The following BMP2K variants were observed in gnomAD, a reference collection of about 807,000 sequenced individuals.
BMP2K encodes BMP-2-inducible protein kinase.
Under a neutral mutation model 116.0 loss-of-function variants are expected in BMP2K, and 74 were observed. The ratio of observed to expected loss-of-function variants is 0.64; its 90% CI spans 0.53 to 0.77. BMP2K has a LOEUF of 0.77. Among genes scored for constraint, BMP2K ranks in the 30% least tolerant of loss-of-function variants. The probability of loss-of-function intolerance (pLI) is 0.00; values close to 1 mark genes in which losing one functional copy is unlikely to be tolerated. For missense variants in BMP2K, 1,365 were observed against 1,403.6 expected, an observed-to-expected ratio of 0.97 and a Z score of 0.44; for synonymous variants, 486 against 502.5, an observed-to-expected ratio of 0.97 and a Z score of 0.44.
chr4:78,863,147 T>G (rs1277685167), intron 9 of BMP2K, among the ~76,000 whole-genome samples: 1 of 152,202 alleles, frequency 6.6e-6, no homozygotes, highest in East Asian at 1.9e-4. Flanking sequence ...AGTGCTTATT[T>G]ATAGTATGTT....
At chr4:78,895,717 T>C (rs1381989686) in intron 15 of BMP2K, among the ~76,000 whole-genome samples, 1 of 152,168 alleles carries the variant, frequency 6.6e-6, no homozygotes, top group Non-Finnish European at 1.5e-5. Flanking sequence ...AAAAGGACTA[T>C]AATATCATTG....
chr4:78,896,105 C>A (rs1733686158), intron 15 of BMP2K, among the ~76,000 whole-genome samples: 1 of 152,124 alleles, frequency 6.6e-6, no homozygotes, highest in South Asian at 2.1e-4. Flanking sequence ...TTTTAATTTT[C>A]TTTCCTTACC....
intron 9 of BMP2K, among the ~76,000 whole-genome samples, chr4:78,864,908 ATTATAT>A (rs1731969281): frequency 6.6e-6 from 1 of 152,112 alleles, no homozygotes; most frequent in South Asian, 2.1e-4. Context: ...GTCTTCTCAA[ATTATAT>A]TTATTGTTTC....
At chr4:78,900,984 CCT>C (rs1483780314) in intron 15 of BMP2K, among the ~76,000 whole-genome samples, 1 of 151,892 alleles carries the variant, frequency 6.6e-6, no homozygotes, top group Non-Finnish European at 1.5e-5. Context: ...ATTATAAAAC[CCT>C]GAGTTAAAAA....
intron 1 of BMP2K, among the ~76,000 whole-genome samples, chr4:78,818,429 T>G (rs557776617): frequency 2.6e-4 from 40 of 152,334 alleles, no homozygotes; most frequent in South Asian, 4.1e-4. Flanking sequence ...GCATCTGTTG[T>G]TTCCTGACTT....
In BMP2K at chr4:78,910,877, C is replaced by T. The variant is rs374485594; in HGVS notation, c.2330C>T (p.Thr777Ile). 24 of 1,613,806 alleles carry T rather than the reference C, an allele frequency of 1.5e-5. No homozygotes were observed. The highest frequency in any genetic ancestry group is 1.9e-5 in the Non-Finnish European group (23 of 1,179,878). ...GEQGDFNDDD[T>I]EPENLGHRPL... ...CAAGGAGATTTTAATGATGATGATA[C>T]TGAACCAGAAAATCTGGGTCATAGG... The change falls in exon 16 of 16, where the codon ACT becomes ATT. Residue 777 changes from threonine (T) to isoleucine (I), a missense_variant. Thr to Ile is a moderately conservative substitution (Grantham distance 89). Around this residue, in one of 3 missense-constraint regions of BMP2K, gnomAD observed 596 missense variants for 623.2 expected, o/e 0.96. Coordinates refer to ENST00000502613, the MANE Select transcript of BMP2K (RefSeq NM_198892.2).
chr4:78,874,214 C>G (rs116152881), intron 13 of BMP2K, among the ~76,000 whole-genome samples: 1 of 151,810 alleles, frequency 6.6e-6, no homozygotes. Flanking sequence ...AAGTTCAGAT[C>G]AGTATTTGCC....
intron 6 of BMP2K, 135 bp downstream of exon 6, chr4:78,847,404 T>C: frequency 4.7e-6 from 2 of 429,226 alleles, no homozygotes; most frequent in Admixed American, 4.4e-5. Context: ...AGCTTCTTAC[T>C]TGGGAGAAGA....
intron 2 of BMP2K, among the ~76,000 whole-genome samples, chr4:78,829,407 T>G (rs1056786321): frequency 5.3e-5 from 8 of 151,760 alleles, no homozygotes; most frequent in East Asian, 1.9e-4. Flanking sequence ...TTTTTGTTTT[T>G]TTTTTTTTTT....
chr4:78,797,017 C>G (rs936343518), intron 1 of BMP2K, among the ~76,000 whole-genome samples: 3 of 152,074 alleles, frequency 2.0e-5, no homozygotes, highest in Non-Finnish European at 2.9e-5. Flanking sequence ...ATGAGGGGCC[C>G]TAGAGACTAG....
rs1468687363 is a variant in BMP2K, at chr4:78,859,688, G to A, written c.987+1G>A. ...GGATTGTCCAGTCTCCAACATCAATGTAAGTAGATTTTCAAGTAGGATATG... is the reference window on the plus strand; with the variant it reads ...GGATTGTCCAGTCTCCAACATCAATATAAGTAGATTTTCAAGTAGGATATG... On this transcript the variant is annotated splice_donor_variant, in intron 8 of 15. Coordinates refer to ENST00000502613, the MANE Select transcript of BMP2K (RefSeq NM_198892.2). LOFTEE classifies it high-confidence loss of function. 1 of 1,556,816 alleles carries A rather than the reference G, an allele frequency of 6.4e-7. No homozygotes were observed. The highest frequency in any genetic ancestry group is 1.1e-5 in the South Asian group (1 of 88,178).
At chr4:78,861,271 G>T (rs1731772222) in intron 8 of BMP2K, 118 bp from the exon 9 acceptor site, 2 of 689,096 alleles carry the variant, frequency 2.9e-6, no homozygotes, top group South Asian at 5.1e-5. Context: ...TATCTGATGT[G>T]AAAGTAATAG....
intron 2 of BMP2K, among the ~76,000 whole-genome samples, chr4:78,827,538 C>A (rs1729934144): frequency 6.6e-6 from 1 of 152,122 alleles, no homozygotes; most frequent in African/African-American, 2.4e-5. Context: ...GCTGCAGTAC[C>A]CCTATGTGTG....
At position 78,851,233 on chromosome 4, in the gene BMP2K, C is replaced by T. The variant is rs556653753; in HGVS notation, c.883+177C>T. On this transcript the variant is annotated intron_variant, in intron 7 of 15. Coordinates refer to ENST00000502613, the MANE Select transcript of BMP2K (RefSeq NM_198892.2). ...AAACTTACATAAGAATGAAAGCAAC[C>T]TAATTATTGATTAATATAGATGTTT... Among the ~76,000 whole-genome samples, 140 of 151,900 alleles carry T rather than the reference C, an allele frequency of 9.2e-4. 1 individual carries two copies. Among genetic ancestry groups the T allele is most frequent in the African/African-American group, 3.2e-3 (134 of 41,452 alleles).
At chr4:78,898,271 G>C (rs888811777) in intron 15 of BMP2K, among the ~76,000 whole-genome samples, 1 of 152,056 alleles carries the variant, frequency 6.6e-6, no homozygotes, top group Non-Finnish European at 1.5e-5. Context: ...GTTTAGGATT[G>C]GGAAACATTA....
In BMP2K at chr4:78,864,558, GTT is replaced by G. The variant is rs11352627; in HGVS notation, c.1068-989_1068-988del. Among the ~76,000 whole-genome samples, 29 of 144,772 alleles carry G rather than the reference GTT, an allele frequency of 2.0e-4. 1 individual carries two copies. The highest frequency in any genetic ancestry group is 6.4e-4 in the African/African-American group (26 of 40,334). The allele number at this position is 144,772 out of a possible 152,430, so 95.0% of individuals were successfully genotyped here. ...CTAAGATCTTTTGATTCAGTGTCAC[GTT>G]TTTTTTTTTGGTACCTCTTGGAAAG... is the stretch of plus-strand genomic sequence containing the variant. On this transcript the variant is annotated intron_variant, in intron 9 of 15. Transcript: ENST00000502613.
At chr4:78,886,865 G>A (rs536743949) in intron 14 of BMP2K, among the ~76,000 whole-genome samples, 20 of 152,246 alleles carry the variant, frequency 1.3e-4, no homozygotes, top group Non-Finnish European at 2.4e-4. Flanking sequence ...ATTTAGCTGG[G>A]TTTGAGTTCA....
chr4:78,898,241 C>T (rs564234488), intron 15 of BMP2K, among the ~76,000 whole-genome samples: 1 of 152,192 alleles, frequency 6.6e-6, no homozygotes, highest in African/African-American at 2.4e-5. Flanking sequence ...GCTTTATTAT[C>T]TAATAGGAAG....
chr4:78,840,496 G>C (rs766235587), intron 3 of BMP2K, among the ~76,000 whole-genome samples: 2 of 151,976 alleles, frequency 1.3e-5, no homozygotes, highest in African/African-American at 4.8e-5. Flanking sequence ...ATTTTAGTGA[G>C]CTCTCTTTAC....
Sources: allele counts gnomAD v4.1 joint callset (sites outside exome capture counted in the v4.1 genomes callset), GRCh38; gene constraint gnomAD v4.1.1; regional missense constraint gnomAD v4.1.1; transcripts MANE v1.5; gene names NCBI Gene and HGNC (gene_info 2026-07-23, HGNC 2026-07-21).